ABCC11: variants seen among roughly 807,000 people sequenced by gnomAD.
ABCC11 encodes ATP-binding cassette sub-family C member 11.
In ABCC11, 135 loss-of-function variants were observed where a neutral mutation model predicts 149.3. The ratio of observed to expected loss-of-function variants is 0.90; its 90% CI spans 0.79 to 1.04. ABCC11 has a LOEUF of 1.04. Ranked by LOEUF, ABCC11 falls within the 50% of genes least tolerant of loss-of-function variation. The pLI is 0.00. For missense variants in ABCC11, 1,680 were observed against 1,722.1 expected (o/e 0.98, Z 0.43); for synonymous variants, 665 against 671.4 (o/e 0.99, Z 0.15).
At position 48,224,423 on chromosome 16, in the gene ABCC11, G is replaced by C. The variant is rs1435881168; in HGVS notation, c.402C>G (p.His134Gln). 1.2e-6 allele frequency: 2 copies of C among 1,614,020 alleles called. No homozygotes were observed. The highest frequency in any genetic ancestry group is 4.5e-5 in the East Asian group (2 of 44,884). Residue 134 changes from histidine (H) to glutamine (Q), a missense_variant, in exon 5 of 30, where the codon CAC becomes CAG. Physicochemically the swap from His to Gln is conservative, Grantham distance 24. Coordinates refer to ENST00000356608, the MANE Select transcript of ABCC11 (RefSeq NM_001370497.1). ...DASDKNVQRL[H>Q]RLWEEEVSRR... Reference sequence around the variant, plus strand: ...TTGAGACTTCTTCTTCCCAAAGGCGGTGAAGCCTTGAAAAGAGGATAATGG... The same window carrying C: ...TTGAGACTTCTTCTTCCCAAAGGCGCTGAAGCCTTGAAAAGAGGATAATGG...
At chr16:48,225,249 A>G (rs748596142) in intron 4 of ABCC11, among the ~76,000 whole-genome samples, 9 of 152,144 alleles carry the variant, frequency 5.9e-5, no homozygotes, top group Non-Finnish European at 8.8e-5. Flanking sequence ...CACAGTAACA[A>G]TAATTACTTA....
intron 27 of ABCC11, among the ~76,000 whole-genome samples, chr16:48,170,679 C>T (rs1040192009): frequency 2.0e-5 from 3 of 152,232 alleles, no homozygotes; most frequent in African/African-American, 4.8e-5. Flanking sequence ...TGCTGTGCCC[C>T]TGAGCCTAGA....
Position 48,165,848 on chromosome 16 carries a change from T to C in ABCC11, c.*1426A>G, listed in dbSNP as rs1400262744. 1.3e-5 allele frequency: 2 copies of C among 152,214 alleles called. No homozygotes were observed. Among genetic ancestry groups the C allele is most frequent in the African/African-American group, 4.8e-5 (2 of 41,432 alleles). The allele number at this position is 152,214 out of a possible 1,614,324, so 9.4% of individuals were successfully genotyped here. On this transcript the variant is annotated 3_prime_UTR_variant, in exon 30 of 30. Transcript: ENST00000356608. ...TAATCTGGAATAAAAAGGAAAGTAC[T>C]TTGAAACATATTTCCCCCAACAACA...
chr16:48,180,927 C>G (rs1276209443), intron 23 of ABCC11, among the ~76,000 whole-genome samples: 2 of 152,116 alleles, frequency 1.3e-5, no homozygotes, highest in Non-Finnish European at 2.9e-5. Flanking sequence ...AAGAAAAGAC[C>G]CTCAAGGGCC....
intron 18 of ABCC11, among the ~76,000 whole-genome samples, chr16:48,195,124 A>C (rs1467370311): frequency 6.6e-6 from 1 of 152,180 alleles, no homozygotes; most frequent in African/African-American, 2.4e-5. Context: ...TTCAAGGGCT[A>C]TCTCTTCTTT....
intron 1 of ABCC11, among the ~76,000 whole-genome samples, chr16:48,234,033 C>A (rs891284612): frequency 1.6e-4 from 24 of 152,202 alleles, no homozygotes; most frequent in African/African-American, 5.8e-4. Context: ...ATTTAATCTG[C>A]ATTATTAACA....
At chr16:48,175,140 A>C (rs1310797004) in intron 26 of ABCC11, 118 bp downstream of exon 26, 14 of 1,322,972 alleles carry the variant, frequency 1.1e-5, no homozygotes, top group Non-Finnish European at 1.3e-5. Context: ...GTGGCCCAGC[A>C]GGCCAAGGAG....
At chr16:48,215,843 G>A (rs1969301054) in intron 7 of ABCC11, among the ~76,000 whole-genome samples, 2 of 152,178 alleles carry the variant, frequency 1.3e-5, no homozygotes, top group African/African-American at 4.8e-5. Flanking sequence ...ATCTCGCACA[G>A]AGATTATCTA....
chr16:48,227,827 G>C lies in ABCC11; in HGVS notation c.374C>G (p.Ala125Gly), dbSNP rs753473594. 3.7e-6 allele frequency: 6 copies of C among 1,614,034 alleles called. No individual in the cohort carries two copies. The highest frequency in any genetic ancestry group is 5.1e-6 in the Non-Finnish European group (6 of 1,179,988). ...NTIPPLSVHD[A>G]SDKNVQRLHR... ...TCACCTTTGGACATTTTTGTCTGAGGCATCATGGACTGACAGTGGAGGGAT... is the reference window on the plus strand; with the variant it reads ...TCACCTTTGGACATTTTTGTCTGAGCCATCATGGACTGACAGTGGAGGGAT... Residue 125 changes from alanine (A) to glycine (G), a missense_variant, in exon 4 of 30, where the codon GCC (alanine) becomes GGC (glycine). Coordinates refer to ENST00000356608, the MANE Select transcript of ABCC11 (RefSeq NM_001370497.1).
At chr16:48,187,840 C>T (rs1226242533) in intron 20 of ABCC11, among the ~76,000 whole-genome samples, 1 of 152,086 alleles carries the variant, frequency 6.6e-6, no homozygotes, top group African/African-American at 2.4e-5. Flanking sequence ...CAGAGCAGTG[C>T]CTGCCCCTGA....
chr16:48,214,994 A>G lies in ABCC11; in HGVS notation c.1135T>C (p.Cys379Arg), dbSNP rs988024160. 6 of 1,614,022 alleles carry G rather than the reference A, an allele frequency of 3.7e-6. No individual in the cohort carries two copies. The African/African-American group carries it at 6.7e-5, about 18-fold the overall frequency. Residue 379 changes from cysteine to arginine, a missense_variant, in exon 9 of 30, where the codon TGC (cysteine) becomes CGC (arginine). By Grantham distance (180) the Cys-to-Arg change is radical. Transcript: ENST00000356608. ...CTTGTCAGGCTCTGGACAAGCCCGCACTTCTCCAATAGTTTCCTTTCCTTC... is the reference window on the plus strand; with the variant it reads ...CTTGTCAGGCTCTGGACAAGCCCGCGCTTCTCCAATAGTTTCCTTTCCTTC... ...RRKERKLLEK[C>R]GLVQSLTSIT...
At chr16:48,189,074 C>T (rs1421230099) in intron 20 of ABCC11, among the ~76,000 whole-genome samples, 2 of 152,198 alleles carry the variant, frequency 1.3e-5, no homozygotes, top group Non-Finnish European at 2.9e-5. Context: ...GATTTAAAGC[C>T]TCCTTGCTTT....
At position 48,242,083 on chromosome 16, in the gene ABCC11, T is replaced by G. The variant is rs577058255; in HGVS notation, c.-19+5231A>C. On this transcript the variant is annotated intron_variant, in intron 1 of 29. Transcript: ENST00000356608. The stretch of plus-strand genomic sequence containing the variant: ...ACTAAAGAGCTTCTGCACAGCAAAA[T>G]AAACCACCATCAGAGTGAACAGGCA... 1.2e-4 allele frequency among the ~76,000 whole-genome samples: 18 copies of G among 152,114 alleles called. No individual in the cohort carries two copies. The East Asian group carries it at 1.4e-3, about 11-fold the overall frequency.
Position 48,205,487 on chromosome 16 carries a change from G to A in ABCC11, c.1731C>T (p.Val577=). Residue 577 remains valine, a synonymous_variant, in exon 13 of 30, where the codon GTC becomes GTT. Coordinates refer to ENST00000356608, the MANE Select transcript of ABCC11 (RefSeq NM_001370497.1). The part of the protein sequence containing the change: ...SVGVQGSLAY[V]PQQAWIVSGN... ...CGCTGACGATCCAGGCCTGCTGGGG[G>A]ACATAGGCCAGGCTTCCCTGCACCC... 2 of 1,614,170 alleles carry A rather than the reference G, an allele frequency of 1.2e-6. No homozygotes were observed. The highest frequency in any genetic ancestry group is 1.7e-6 in the Non-Finnish European group (2 of 1,180,034).
chr16:48,188,657 A>T lies in ABCC11; in HGVS notation c.2707-1230T>A, dbSNP rs547181004. 9.2e-5 allele frequency among the ~76,000 whole-genome samples: 14 copies of T among 152,312 alleles called. No individual in the cohort carries two copies. In the East Asian group the frequency reaches 2.7e-3, roughly 29 times the overall value. On this transcript the variant is annotated intron_variant, in intron 20 of 29. Transcript: ENST00000356608. Reference sequence around the variant, plus strand: ...CAGATGAGGAAACTGAAGATTGCAGAAGAGGAAGTGGCTCTGTAACTTACT... The same window carrying T: ...CAGATGAGGAAACTGAAGATTGCAGTAGAGGAAGTGGCTCTGTAACTTACT...
intron 2 of ABCC11, among the ~76,000 whole-genome samples, chr16:48,231,448 G>T (rs534830902): frequency 6.6e-6 from 1 of 152,112 alleles, no homozygotes; most frequent in Non-Finnish European, 1.5e-5. Context: ...GGAGGATGGA[G>T]GCCAGGAGTT....
chr16:48,197,259 G>A (rs1967511042), intron 17 of ABCC11, among the ~76,000 whole-genome samples: 1 of 152,190 alleles, frequency 6.6e-6, no homozygotes, highest in Middle Eastern at 3.4e-3. Context: ...GGGAGGCAGA[G>A]GTTGAAGTGA....
rs149107295 is a variant in ABCC11 at position 48,238,687 on chromosome 16, C to T, written c.-18-6748G>A. Among the ~76,000 whole-genome samples, 54 of 152,100 alleles carry T rather than the reference C, an allele frequency of 3.6e-4. 1 individual carries two copies. The East Asian group carries it at 0.01, about 28-fold the overall frequency. On this transcript the variant is annotated intron_variant, in intron 1 of 29. Transcript: ENST00000356608. ...GCGCGGTGGCTCACGCCTGTAATCC[C>T]AGCACTTTGGGAGGCCAAGGCAGGT... is the stretch of plus-strand genomic sequence containing the variant.
intron 4 of ABCC11, among the ~76,000 whole-genome samples, chr16:48,226,193 C>G (rs1330320946): frequency 6.6e-6 from 1 of 150,714 alleles, no homozygotes; most frequent in East Asian, 1.9e-4. Context: ...TCTCTGTGTA[C>G]TTTAAAAAAT....
Sources: gnomAD v4.1 joint callset for allele counts (sites outside exome capture counted in the v4.1 genomes callset) on GRCh38, gnomAD v4.1.1 for gene constraint, MANE v1.5 for transcripts, NCBI Gene and HGNC (gene_info 2026-07-23, HGNC 2026-07-21) for gene names.